DPYD: variants seen among roughly 807,000 people sequenced by gnomAD.
DPYD encodes dihydropyrimidine dehydrogenase [NADP(+)].
Under a neutral mutation model 116.2 loss-of-function variants are expected in DPYD, and 109 were observed. The observed-to-expected ratio is 0.94, with a 90% CI of 0.80 to 1.10. The LOEUF (loss-of-function observed/expected upper bound fraction) is 1.10, where lower values mean the gene tolerates loss of function less well. DPYD is among the 50% of genes least tolerant of loss of function. DPYD has a pLI of 0.00. For missense variants in DPYD, 1,302 were observed against 1,254.5 expected (o/e 1.04, Z -0.57); for synonymous variants, 440 against 432.0 (o/e 1.02, Z -0.23).
intron 20 of DPYD, among the ~76,000 whole-genome samples, chr1:97,110,990 A>G (rs546374780): frequency 6.7e-6 from 1 of 148,986 alleles, no homozygotes; most frequent in East Asian, 1.9e-4. Flanking sequence ...CAACATAGAG[A>G]GACCCCATCT....
At chr1:97,628,913 G>GA (rs928382875) in intron 8 of DPYD, among the ~76,000 whole-genome samples, 1 of 151,966 alleles carries the variant, frequency 6.6e-6, no homozygotes, top group African/African-American at 2.4e-5. Flanking sequence ...TTTAGAACTA[G>GA]ATACCTTGAG....
At chr1:97,816,763 T>C (rs780940857) in intron 3 of DPYD, among the ~76,000 whole-genome samples, 5 of 152,144 alleles carry the variant, frequency 3.3e-5, no homozygotes, top group African/African-American at 4.8e-5. Context: ...ACAAGCTAGA[T>C]TGTCTGTTTA....
At chr1:97,392,809 A>C (rs577976348) in intron 14 of DPYD, among the ~76,000 whole-genome samples, 1 of 152,072 alleles carries the variant, frequency 6.6e-6, no homozygotes, top group African/African-American at 2.4e-5. Context: ...ACTTCTCATT[A>C]TTGTTCTCTT....
intron 2 of DPYD, among the ~76,000 whole-genome samples, chr1:97,842,827 AAC>A (rs1000506939): frequency 6.6e-6 from 1 of 152,094 alleles, no homozygotes; most frequent in Non-Finnish European, 1.5e-5. Context: ...ATCTCTAAAA[AAC>A]AAAATTCATA....
chr1:97,246,992 A>G (rs1662763775), intron 18 of DPYD, among the ~76,000 whole-genome samples: 1 of 152,134 alleles, frequency 6.6e-6, no homozygotes, highest in African/African-American at 2.4e-5. Flanking sequence ...GCCTTTCTAG[A>G]GATCATAAAG....
chr1:97,869,212 A>C (rs1671541612), intron 2 of DPYD, among the ~76,000 whole-genome samples: 1 of 151,810 alleles, frequency 6.6e-6, no homozygotes. Context: ...CATCAGATTC[A>C]AGTGGCCAGA....
At chr1:97,450,831 T>C (rs1159226297) in intron 13 of DPYD, among the ~76,000 whole-genome samples, 1 of 152,080 alleles carries the variant, frequency 6.6e-6, no homozygotes, top group Non-Finnish European at 1.5e-5. Context: ...GAAATGAGTA[T>C]ATCAATAACT....
At chr1:97,147,144 T>C (rs1570548602) in intron 20 of DPYD, among the ~76,000 whole-genome samples, 1 of 152,156 alleles carries the variant, frequency 6.6e-6, no homozygotes. Flanking sequence ...GGTCAAGAGA[T>C]GGAGACCATC....
chr1:97,102,856 A>C (rs1650848670), intron 20 of DPYD, among the ~76,000 whole-genome samples: 1 of 152,026 alleles, frequency 6.6e-6, no homozygotes, highest in Non-Finnish European at 1.5e-5. Context: ...ATCTCAAGGA[A>C]TAATATGCCA....
At chr1:97,666,013 AT>A (rs778197052) in intron 8 of DPYD, among the ~76,000 whole-genome samples, 5 of 152,284 alleles carry the variant, frequency 3.3e-5, no homozygotes, top group East Asian at 3.9e-4. Context: ...GCTAAGATAA[AT>A]TTTTTTGTAT....
intron 1 of DPYD, among the ~76,000 whole-genome samples, chr1:97,886,148 G>A (rs1672473835): frequency 6.6e-6 from 1 of 152,072 alleles, no homozygotes; most frequent in South Asian, 2.1e-4. Context: ...AAGGTCTATG[G>A]CATTTGAAGT....
intron 5 of DPYD, among the ~76,000 whole-genome samples, chr1:97,707,795 T>C (rs1662064573): frequency 6.6e-6 from 1 of 152,092 alleles, no homozygotes; most frequent in South Asian, 2.1e-4. Context: ...TTTCCATCTG[T>C]ATATCTTTCT....
At chr1:97,290,542 AC>A (rs1324151879) in intron 18 of DPYD, among the ~76,000 whole-genome samples, 8 of 152,136 alleles carry the variant, frequency 5.3e-5, no homozygotes, top group African/African-American at 1.9e-4. Flanking sequence ...CATATCTACA[AC>A]TATCTGATCT....
chr1:97,305,354 G>A lies in DPYD; in HGVS notation c.2204C>T (p.Thr735Ile), dbSNP rs2101036569. The change falls in exon 18 of 23, where the codon ACC (threonine) becomes ATC (isoleucine). Residue 735 changes from threonine (T) to isoleucine (I), a missense_variant. Coordinates refer to ENST00000370192, the MANE Select transcript of DPYD (RefSeq NM_000110.4). ...KEGGANGVTATNTVSGLMGLK... is the reference protein window; with the variant it reads ...KEGGANGVTAINTVSGLMGLK... ...TCCCATCAGACCTGAGACAGTGTTG[G>A]TGGCTGTAACGCCATTGGCACCACC... The A allele has an allele frequency of 6.2e-7, 1 of 1,612,400 alleles. No individual in the cohort carries two copies.
intron 2 of DPYD, among the ~76,000 whole-genome samples, chr1:97,869,471 A>C (rs1313788208): frequency 6.6e-6 from 1 of 151,776 alleles, no homozygotes; most frequent in Non-Finnish European, 1.5e-5. Flanking sequence ...CCTTGGTATA[A>C]GGACCATTTT....
rs144217758 is a variant in DPYD, at chr1:97,296,836, C to T, written c.2299+8423G>A. On this transcript the variant is annotated intron_variant, in intron 18 of 22. Transcript: ENST00000370192. ...AAGGAGGAAAAAAGAGGCAAAACTT[C>T]CCACTATTTGTTAGAGCATGTTTAT... is the stretch of plus-strand genomic sequence containing the variant. Among the ~76,000 whole-genome samples, 1,122 of 152,098 alleles carry T rather than the reference C, an allele frequency of 7.4e-3. 14 individuals are homozygous for T. Among genetic ancestry groups the T allele is most frequent in the African/African-American group, 0.025 (1,045 of 41,512 alleles).
intron 1 of DPYD, among the ~76,000 whole-genome samples, chr1:97,895,168 C>T (rs1672995581): frequency 6.6e-6 from 1 of 151,578 alleles, no homozygotes; most frequent in African/African-American, 2.4e-5. Flanking sequence ...TAAAATTGGC[C>T]TTAGAGGGCC....
chr1:97,727,370 T>C (rs989009336), intron 4 of DPYD, among the ~76,000 whole-genome samples: 13 of 151,816 alleles, frequency 8.6e-5, no homozygotes, highest in African/African-American at 7.2e-5. Flanking sequence ...TATTAGAAGA[T>C]ATATTTGAAA....
intron 3 of DPYD, among the ~76,000 whole-genome samples, chr1:97,749,191 T>C (rs182038343): frequency 1.3e-5 from 2 of 152,198 alleles, no homozygotes; most frequent in African/African-American, 4.8e-5. Flanking sequence ...CGTGACAAAA[T>C]AGGCTATCCA....
Sources: gnomAD v4.1 joint callset for allele counts (sites outside exome capture counted in the v4.1 genomes callset) on GRCh38, gnomAD v4.1.1 for gene constraint, MANE v1.5 for transcripts, NCBI Gene and HGNC (gene_info 2026-07-23, HGNC 2026-07-21) for gene names.